Variants in NSMCE2 observed in about 807,000 individuals in gnomAD.
NSMCE2 encodes E3 SUMO-protein ligase NSE2.
Under a neutral mutation model 23.8 loss-of-function variants are expected in NSMCE2, and 24 were observed. That is an observed-to-expected ratio of 1.01 (90% CI 0.73 to 1.42). The LOEUF (loss-of-function observed/expected upper bound fraction) is 1.42, where lower values mean the gene tolerates loss of function less well. Among genes scored for constraint, NSMCE2 ranks in the 40% most tolerant of loss-of-function variants. The pLI is 0.00. For missense variants in NSMCE2, 284 were observed against 296.5 expected (o/e 0.96, Z 0.31); for synonymous variants, 92 against 94.1 (o/e 0.98, Z 0.13).
intron 4 of NSMCE2, among the ~76,000 whole-genome samples, chr8:125,161,086 A>G (rs1329163285): frequency 2.0e-5 from 3 of 152,130 alleles, no homozygotes; most frequent in East Asian, 1.9e-4. Flanking sequence ...TGAGTTTGCA[A>G]CTGTGCTGGT....
At chr8:125,191,345 A>G (rs981765105) in intron 5 of NSMCE2, among the ~76,000 whole-genome samples, 3 of 152,112 alleles carry the variant, frequency 2.0e-5, no homozygotes, top group African/African-American at 7.2e-5. Context: ...TACCACACCA[A>G]TTCTTGAAAA....
At chr8:125,326,197 C>T (rs894644408) in intron 5 of NSMCE2, among the ~76,000 whole-genome samples, 62 of 152,074 alleles carry the variant, frequency 4.1e-4, no homozygotes, top group African/African-American at 1.4e-3. Flanking sequence ...GCAGAGCTTG[C>T]AGTGAGCCGA....
intron 5 of NSMCE2, among the ~76,000 whole-genome samples, chr8:125,279,149 C>T (rs10108634): frequency 0.031 from 4,776 of 152,204 alleles, 219 homozygotes; most frequent in African/African-American, 0.11. Flanking sequence ...AAGGACATTC[C>T]ACTCTTATTA....
chr8:125,162,219 T>TA (rs978059179), intron 4 of NSMCE2, among the ~76,000 whole-genome samples: 6 of 152,230 alleles, frequency 3.9e-5, no homozygotes, highest in East Asian at 1.9e-4. Flanking sequence ...AGGAAGTTGG[T>TA]AAAAAAAATT....
rs376695595 is a variant in NSMCE2 at position 125,227,975 on chromosome 8, CTT to C, written c.418+45721_418+45722del. ...ATGCATGTGCCATTGATTTATTCCT[CTT>C]TGAATCATTACCCTCTATTACTGTT... On this transcript the variant is annotated intron_variant, in intron 5 of 7. Coordinates refer to ENST00000287437, the MANE Select transcript of NSMCE2 (RefSeq NM_173685.4). Among the ~76,000 whole-genome samples the C allele has an allele frequency of 5.6e-4, 86 of 152,258 alleles. 1 individual carries two copies. The East Asian group carries it at 0.015, about 26-fold the overall frequency.
At chr8:125,286,311 A>T (rs1471202985) in intron 5 of NSMCE2, among the ~76,000 whole-genome samples, 5 of 98,988 alleles carry the variant, frequency 5.1e-5, no homozygotes, top group African/African-American at 1.2e-4. Context: ...AATACCTTTT[A>T]TTTATTTTTT....
intron 5 of NSMCE2, among the ~76,000 whole-genome samples, chr8:125,295,599 C>T: frequency 6.6e-6 from 1 of 152,238 alleles, no homozygotes; most frequent in South Asian, 2.1e-4. Context: ...CTGAGAGGGA[C>T]AAAGGGGGTA....
At chr8:125,141,137 A>G (rs1033638295) in intron 3 of NSMCE2, among the ~76,000 whole-genome samples, 1 of 152,200 alleles carries the variant, frequency 6.6e-6, no homozygotes, top group Non-Finnish European at 1.5e-5. Context: ...CAGTATTTTG[A>G]ATTATACCAC....
intron 5 of NSMCE2, among the ~76,000 whole-genome samples, chr8:125,312,805 G>C (rs1829020668): frequency 6.6e-6 from 1 of 152,122 alleles, no homozygotes; most frequent in Non-Finnish European, 1.5e-5. Flanking sequence ...GTGAGCAGGA[G>C]ACAGGTGGCT....
At chr8:125,323,528 C>G (rs556560788) in intron 5 of NSMCE2, among the ~76,000 whole-genome samples, 2 of 152,288 alleles carry the variant, frequency 1.3e-5, no homozygotes, top group South Asian at 4.2e-4. Flanking sequence ...TACTCACATG[C>G]AAAGACAGTT....
intron 5 of NSMCE2, among the ~76,000 whole-genome samples, chr8:125,281,831 C>G (rs1827708334): frequency 6.6e-6 from 1 of 151,744 alleles, no homozygotes; most frequent in South Asian, 2.1e-4. Flanking sequence ...CCTCCCACTT[C>G]TGCCTCCCAA....
At chr8:125,332,018 G>A (rs1159320046) in intron 5 of NSMCE2, among the ~76,000 whole-genome samples, 1 of 152,182 alleles carries the variant, frequency 6.6e-6, no homozygotes, top group Non-Finnish European at 1.5e-5. Flanking sequence ...TCCCTGCCAT[G>A]TAAGTAGCTG....
At chr8:125,324,723 C>T (rs1829592321) in intron 5 of NSMCE2, among the ~76,000 whole-genome samples, 1 of 105,234 alleles carries the variant, frequency 9.5e-6, no homozygotes, top group African/African-American at 2.7e-5. Flanking sequence ...TACAGGCGCC[C>T]GCCACTACGC....
At chr8:125,302,131 A>G (rs1828590501) in intron 5 of NSMCE2, among the ~76,000 whole-genome samples, 1 of 151,762 alleles carries the variant, frequency 6.6e-6, no homozygotes, top group African/African-American at 2.4e-5. Context: ...TAATTTTTGT[A>G]TTTTTAGTAG....
At chr8:125,176,517 C>T (rs1162323000) in intron 4 of NSMCE2, among the ~76,000 whole-genome samples, 1 of 152,006 alleles carries the variant, frequency 6.6e-6, no homozygotes, top group Non-Finnish European at 1.5e-5. Flanking sequence ...TCCATGGTTT[C>T]CATTAAAATC....
chr8:125,164,466 T>C (rs12681565), intron 4 of NSMCE2, among the ~76,000 whole-genome samples: 14,196 of 152,212 alleles, frequency 0.093, 840 homozygotes, highest in South Asian at 0.17. Context: ...TATTTATGAT[T>C]TTGTACATCT....
chr8:125,258,267 A>G (rs543356689), intron 5 of NSMCE2, among the ~76,000 whole-genome samples: 246 of 152,330 alleles, frequency 1.6e-3, no homozygotes, highest in South Asian at 4.1e-3. Flanking sequence ...TAGCTGTGTT[A>G]AAGACAGTGG....
At chr8:125,286,422 CCT>C (rs1827903604) in intron 5 of NSMCE2, among the ~76,000 whole-genome samples, 1 of 151,742 alleles carries the variant, frequency 6.6e-6, no homozygotes, top group Non-Finnish European at 1.5e-5. Flanking sequence ...AAGTGATGCT[CCT>C]GCCTCAGCCT....
intron 5 of NSMCE2, among the ~76,000 whole-genome samples, chr8:125,292,579 C>T (rs1041026965): frequency 1.3e-5 from 2 of 151,530 alleles, no homozygotes; most frequent in African/African-American, 4.8e-5. Context: ...CTATGGGAAA[C>T]ATGAAAAAGA....
Sources: allele counts gnomAD v4.1 joint callset (sites outside exome capture counted in the v4.1 genomes callset), GRCh38; gene constraint gnomAD v4.1.1; transcripts MANE v1.5; gene names NCBI Gene and HGNC (gene_info 2026-07-23, HGNC 2026-07-21).